KCNH5: variants seen among roughly 807,000 people sequenced by gnomAD.
KCNH5 encodes voltage-gated delayed rectifier potassium channel KCNH5.
In KCNH5, 46 loss-of-function variants were observed where a neutral mutation model predicts 96.1. That is an observed-to-expected ratio of 0.48 (90% CI 0.38 to 0.61). The LOEUF (loss-of-function observed/expected upper bound fraction) is 0.61, where lower values mean the gene tolerates loss of function less well. KCNH5 is among the 20% of genes least tolerant of loss of function. The probability of loss-of-function intolerance (pLI) is 0.00; values close to 1 mark genes in which losing one functional copy is unlikely to be tolerated. For synonymous variants in KCNH5, 439 were observed against 449.8 expected (o/e 0.98, Z 0.30); for missense variants, 907 against 1,225.8 (o/e 0.74, Z 3.88).
chr14:62,934,250 C>A lies in KCNH5; in HGVS notation c.1369+15883G>T, dbSNP rs552421153. Among the ~76,000 whole-genome samples the A allele has an allele frequency of 1.8e-3, 279 of 152,076 alleles. 2 individuals carry two copies. The highest frequency in any genetic ancestry group is 6.1e-3 in the African/African-American group (253 of 41,474). On this transcript the variant is annotated intron_variant, in intron 7 of 10. Coordinates refer to ENST00000322893, the MANE Select transcript of KCNH5 (RefSeq NM_139318.5). The stretch of plus-strand genomic sequence containing the variant: ...CAAGCAATTCTTCTGCGTCAGCCTC[C>A]CTAGTAGCTGAGACTACAGGCGCAA...
At chr14:62,919,952 C>T (rs1168756649) in intron 7 of KCNH5, among the ~76,000 whole-genome samples, 3 of 151,996 alleles carry the variant, frequency 2.0e-5, no homozygotes, top group African/African-American at 7.2e-5. Context: ...CTGAGGTTGT[C>T]CAATTCTGGC....
chr14:63,034,724 C>T (rs1218108561), intron 1 of KCNH5, among the ~76,000 whole-genome samples: 2 of 152,146 alleles, frequency 1.3e-5, no homozygotes, highest in African/African-American at 2.4e-5. Flanking sequence ...GTCTGTGTTT[C>T]TTTGATGGCA....
chr14:62,856,071 A>G (rs930025650), intron 7 of KCNH5, among the ~76,000 whole-genome samples: 3 of 152,188 alleles, frequency 2.0e-5, no homozygotes, highest in African/African-American at 7.2e-5. Flanking sequence ...CATATAGCCA[A>G]TCTAAGCATA....
chr14:62,740,717 C>A (rs941760583), intron 10 of KCNH5, among the ~76,000 whole-genome samples: 2 of 152,044 alleles, frequency 1.3e-5, no homozygotes, highest in African/African-American at 4.8e-5. Context: ...GGTAGAAATG[C>A]AGGTTAGTGA....
intron 9 of KCNH5, among the ~76,000 whole-genome samples, chr14:62,787,902 A>C (rs373863272): frequency 1.3e-5 from 2 of 152,210 alleles, no homozygotes; most frequent in African/African-American, 4.8e-5. Context: ...TTGACAATGC[A>C]TCTGGTCACC....
intron 7 of KCNH5, among the ~76,000 whole-genome samples, chr14:62,884,723 A>G (rs1465451113): frequency 1.3e-5 from 2 of 152,258 alleles, no homozygotes; most frequent in Non-Finnish European, 2.9e-5. Context: ...CTGTTAAAAA[A>G]AGAAGGCAAA....
intron 7 of KCNH5, among the ~76,000 whole-genome samples, chr14:62,881,760 C>T (rs557337220): frequency 6.8e-5 from 10 of 146,778 alleles, no homozygotes; most frequent in Non-Finnish European, 1.2e-4. Flanking sequence ...CAGACCCAGA[C>T]GAAAAAGAAT....
rs572554939 is a variant in KCNH5, at chr14:62,965,817, C to A, written c.942+15055G>T. ...TGTATTTCCTAAAAATAATTACTTT[C>A]TTTGCCATCATAGGTAAGATGTCAT... On this transcript the variant is annotated intron_variant, in intron 6 of 10. Coordinates refer to ENST00000322893, the MANE Select transcript of KCNH5 (RefSeq NM_139318.5). Among the ~76,000 whole-genome samples the A allele has an allele frequency of 4.6e-5, 7 of 152,214 alleles. No homozygotes were observed. In the South Asian group the frequency reaches 1.4e-3, roughly 32 times the overall value.
intron 7 of KCNH5, among the ~76,000 whole-genome samples, chr14:62,887,395 A>G (rs1888618555): frequency 6.6e-6 from 1 of 152,230 alleles, no homozygotes; most frequent in Non-Finnish European, 1.5e-5. Flanking sequence ...ATGCAATTCA[A>G]TGTCAGTATT....
At chr14:63,030,844 G>A (rs11158468) in intron 1 of KCNH5, among the ~76,000 whole-genome samples, 45,057 of 152,016 alleles carry the variant, frequency 0.3, 8,121 homozygotes, top group East Asian at 0.58. Flanking sequence ...AGAGGTGAAT[G>A]TAAAAATACA....
intron 6 of KCNH5, among the ~76,000 whole-genome samples, chr14:62,958,460 T>A (rs1272485926): frequency 6.6e-6 from 1 of 152,116 alleles, no homozygotes; most frequent in Admixed American, 6.6e-5. Context: ...TTTGTTATAT[T>A]CCAAAACTTT....
chr14:62,861,246 C>A (rs1474941820), intron 7 of KCNH5, among the ~76,000 whole-genome samples: 1 of 151,344 alleles, frequency 6.6e-6, no homozygotes, highest in Non-Finnish European at 1.5e-5. Flanking sequence ...TTTTGGTTTG[C>A]TTTTATTTTC....
At chr14:62,734,758 C>A (rs1031793560) in intron 10 of KCNH5, among the ~76,000 whole-genome samples, 9 of 152,144 alleles carry the variant, frequency 5.9e-5, no homozygotes, top group African/African-American at 2.2e-4. Flanking sequence ...AGGCAGGGAA[C>A]GTGACTTGGT....
At chr14:63,004,554 G>A (rs1012905198) in intron 3 of KCNH5, among the ~76,000 whole-genome samples, 1 of 152,196 alleles carries the variant, frequency 6.6e-6, no homozygotes, top group African/African-American at 2.4e-5. Flanking sequence ...TAAAATTCAA[G>A]TAATTACTAA....
At chr14:62,764,567 G>T (rs1885819607) in intron 10 of KCNH5, among the ~76,000 whole-genome samples, 1 of 152,144 alleles carries the variant, frequency 6.6e-6, no homozygotes. Context: ...CAAACAGGGA[G>T]AGGAAGTCAA....
At chr14:62,796,125 A>C (rs1225381087) in intron 9 of KCNH5, among the ~76,000 whole-genome samples, 1 of 152,164 alleles carries the variant, frequency 6.6e-6, no homozygotes, top group Non-Finnish European at 1.5e-5. Flanking sequence ...TTTATCCTCA[A>C]GATACTGGAA....
chr14:62,733,231 A>G (rs1410797269), intron 10 of KCNH5, among the ~76,000 whole-genome samples: 1 of 152,052 alleles, frequency 6.6e-6, no homozygotes, highest in African/African-American at 2.4e-5. Flanking sequence ...CTTCCCCCCA[A>G]ATTCACATGT....
chr14:62,834,061 T>A (rs1207073337), intron 8 of KCNH5, among the ~76,000 whole-genome samples: 5 of 152,058 alleles, frequency 3.3e-5, no homozygotes, highest in Non-Finnish European at 7.4e-5. Context: ...TTACTTTATT[T>A]ATCTTTTAGA....
intron 10 of KCNH5, among the ~76,000 whole-genome samples, chr14:62,730,872 C>G (rs911872004): frequency 1.3e-5 from 2 of 152,196 alleles, no homozygotes; most frequent in Non-Finnish European, 2.9e-5. Flanking sequence ...ATTCCAAACA[C>G]TTAGTATAGA....
Sources: gnomAD v4.1 joint callset for allele counts (sites outside exome capture counted in the v4.1 genomes callset) on GRCh38, gnomAD v4.1.1 for gene constraint, MANE v1.5 for transcripts, NCBI Gene and HGNC (gene_info 2026-07-23, HGNC 2026-07-21) for gene names.